SEMA3A: variants seen among roughly 807,000 people sequenced by gnomAD.
SEMA3A encodes the protein semaphorin-3A.
SEMA3A carries 29 observed loss-of-function variants against 97.9 expected under a neutral mutation model. That is an observed-to-expected ratio of 0.30 (90% CI 0.22 to 0.40). The LOEUF is 0.40. SEMA3A is among the 10% of genes least tolerant of loss of function. The pLI, the probability that SEMA3A is intolerant of heterozygous loss-of-function variation, is 1.00. For synonymous variants in SEMA3A, 321 were observed against 323.7 expected (o/e 0.99, Z 0.09); for missense variants, 763 against 951.3 (o/e 0.80, Z 2.60).
intron 4 of SEMA3A, among the ~76,000 whole-genome samples, chr7:84,095,232 TATATAA>T (rs1229129551): frequency 1.2e-5 from 1 of 85,564 alleles, no homozygotes; most frequent in Non-Finnish European, 3.1e-5. Flanking sequence ...TATTACATTA[TATATAA>T]ATATATGTTT....
At position 83,988,953 on chromosome 7, in the gene SEMA3A, C is replaced by T. The variant is rs568083301; in HGVS notation, c.1453-3476G>A. 1.3e-4 allele frequency among the ~76,000 whole-genome samples: 20 copies of T among 150,542 alleles called. No individual in the cohort carries two copies. In the South Asian group the frequency reaches 3.0e-3, roughly 22 times the overall value. On this transcript the variant is annotated intron_variant, in intron 12 of 16. Transcript: ENST00000265362. Reference sequence around the variant, plus strand: ...GCTCACTGCAGGATCCGCACCCCCCCGATATTCAGCTTTTTTAAAAAAAGT... The same window carrying T: ...GCTCACTGCAGGATCCGCACCCCCCTGATATTCAGCTTTTTTAAAAAAAGT...
chr7:84,010,968 G>C, intron 9 of SEMA3A, 54 bp downstream of exon 9: 1 of 1,327,870 alleles, frequency 7.5e-7, no homozygotes, highest in East Asian at 2.3e-5. Flanking sequence ...ATGAGTACTT[G>C]GATAGCACCT....
At chr7:84,200,881 T>C (rs1798338501) in intron 3 of SEMA3A, among the ~76,000 whole-genome samples, 1 of 151,810 alleles carries the variant, frequency 6.6e-6, no homozygotes, top group Non-Finnish European at 1.5e-5. Flanking sequence ...AATCCCATTG[T>C]TAATACTGAT....
chr7:84,471,079 T>C (rs762943094), intron 1 of SEMA3A, among the ~76,000 whole-genome samples: 2 of 152,048 alleles, frequency 1.3e-5, no homozygotes, highest in Non-Finnish European at 2.9e-5. Context: ...AGCAAAAACT[T>C]TGAGGTTCAT....
intron 3 of SEMA3A, among the ~76,000 whole-genome samples, chr7:84,252,305 A>C (rs1266172664): frequency 2.0e-5 from 3 of 152,232 alleles, no homozygotes; most frequent in African/African-American, 4.8e-5. Context: ...ATGTGGAAAT[A>C]GAATTGACAG....
At chr7:84,169,688 A>G (rs1287380077) in intron 1 of SEMA3A, among the ~76,000 whole-genome samples, 1 of 151,604 alleles carries the variant, frequency 6.6e-6, no homozygotes, top group Non-Finnish European at 1.5e-5. Flanking sequence ...CACCATAGAT[A>G]GTCTACAATT....
At chr7:84,010,628 C>T in intron 9 of SEMA3A, among the ~76,000 whole-genome samples, 1 of 152,090 alleles carries the variant, frequency 6.6e-6, no homozygotes, top group East Asian at 1.9e-4. Flanking sequence ...AGAACTTTTT[C>T]CATTATATTT....
chr7:84,213,051 C>T (rs1388071064), intron 3 of SEMA3A, among the ~76,000 whole-genome samples: 1 of 152,124 alleles, frequency 6.6e-6, no homozygotes, highest in East Asian at 1.9e-4. Context: ...GCAACCTCTG[C>T]CTACAGGATT....
chr7:83,977,590 G>A (rs1320003994), intron 14 of SEMA3A, among the ~76,000 whole-genome samples: 1 of 151,700 alleles, frequency 6.6e-6, no homozygotes, highest in Admixed American at 6.6e-5. Flanking sequence ...TCAATAAAGG[G>A]TAAATTAAAC....
chr7:84,448,251 C>T (rs981671803), intron 1 of SEMA3A, among the ~76,000 whole-genome samples: 2 of 152,108 alleles, frequency 1.3e-5, no homozygotes, highest in Non-Finnish European at 2.9e-5. Flanking sequence ...AAGTGACACC[C>T]CAATTATCCC....
At chr7:84,188,768 T>A (rs895666484) in intron 1 of SEMA3A, among the ~76,000 whole-genome samples, 7 of 151,982 alleles carry the variant, frequency 4.6e-5, no homozygotes, top group African/African-American at 2.4e-5. Flanking sequence ...TTATTTAAGT[T>A]TAAATGTATG....
intron 2 of SEMA3A, among the ~76,000 whole-genome samples, chr7:84,364,453 G>T (rs1802798806): frequency 6.6e-6 from 1 of 151,308 alleles, no homozygotes; most frequent in African/African-American, 2.4e-5. Flanking sequence ...CACCCTTTTG[G>T]ATTACAGCTG....
At chr7:84,376,898 G>A (rs1803119316) in intron 1 of SEMA3A, among the ~76,000 whole-genome samples, 1 of 151,972 alleles carries the variant, frequency 6.6e-6, no homozygotes, top group Admixed American at 6.6e-5. Context: ...AGTTGTTTGA[G>A]ATTTTTGTAT....
intron 1 of SEMA3A, among the ~76,000 whole-genome samples, chr7:84,406,012 T>C (rs1804073990): frequency 2.0e-5 from 3 of 151,814 alleles, no homozygotes; most frequent in Non-Finnish European, 4.4e-5. Context: ...AGGAAACACA[T>C]TCAAAAGCTA....
chr7:84,435,506 G>A (rs761785833), intron 1 of SEMA3A, among the ~76,000 whole-genome samples: 3 of 152,188 alleles, frequency 2.0e-5, no homozygotes, highest in African/African-American at 4.8e-5. Context: ...TACTCGGGTG[G>A]TTGAGGCAGG....
intron 1 of SEMA3A, among the ~76,000 whole-genome samples, chr7:84,374,182 T>C (rs926566337): frequency 2.0e-5 from 3 of 152,184 alleles, no homozygotes; most frequent in Non-Finnish European, 4.4e-5. Flanking sequence ...AAGTTGGTAA[T>C]TGATTTGTGA....
intron 12 of SEMA3A, among the ~76,000 whole-genome samples, chr7:83,993,464 T>G (rs1198470083): frequency 6.6e-6 from 1 of 151,554 alleles, no homozygotes; most frequent in Non-Finnish European, 1.5e-5. Flanking sequence ...CGGTTTTTCC[T>G]TTCCATGTTT....
intron 9 of SEMA3A, 69 bp downstream of exon 9, chr7:84,010,953 A>T: frequency 8.3e-7 from 1 of 1,208,404 alleles, no homozygotes; most frequent in South Asian, 1.4e-5. Context: ...ATACTTTTGC[A>T]AATTATGAGT....
rs538907500 is a variant in SEMA3A at position 84,151,272 on chromosome 7, T to G, written c.113-16321A>C. On this transcript the variant is annotated intron_variant, in intron 1 of 16. Transcript: ENST00000265362. ...TTTGACGAGCTGAGAGAAGAAGGCTTCAGACGATCAAATTACTCTGAGCTA... is the reference window on the plus strand; with the variant it reads ...TTTGACGAGCTGAGAGAAGAAGGCTGCAGACGATCAAATTACTCTGAGCTA... Among the ~76,000 whole-genome samples, 3 of 152,028 alleles carry G rather than the reference T, an allele frequency of 2.0e-5. No homozygotes were observed. The South Asian group carries it at 6.2e-4, about 32-fold the overall frequency.
Sources: allele counts gnomAD v4.1 joint callset (sites outside exome capture counted in the v4.1 genomes callset), GRCh38; gene constraint gnomAD v4.1.1; transcripts MANE v1.5; gene names NCBI Gene and HGNC (gene_info 2026-07-23, HGNC 2026-07-21).